Variants in THAP9 observed in about 807,000 individuals in gnomAD.
THAP9 encodes the protein THAP domain containing 9.
THAP9 carries 20 observed loss-of-function variants against 35.7 expected under a neutral mutation model. The observed-to-expected ratio is 0.56, with a 90% CI of 0.39 to 0.81. The LOEUF is 0.81. Among genes scored for constraint, THAP9 ranks in the 40% least tolerant of loss-of-function variants. THAP9 has a pLI of 0.00. For synonymous variants in THAP9, 335 were observed against 373.7 expected (o/e 0.90, Z 1.19); for missense variants, 870 against 1,047.4 (o/e 0.83, Z 2.34).
chr4:82,906,733 G>C, intron 3 of THAP9, 106 bp downstream of exon 3: 3 of 1,121,158 alleles, frequency 2.7e-6, no homozygotes, highest in Non-Finnish European at 3.7e-6. Flanking sequence ...TTTCAGTTGG[G>C]AAGTGAAAGT....
At chr4:82,909,338 C>T (rs1720780505) in intron 4 of THAP9, among the ~76,000 whole-genome samples, 1 of 151,842 alleles carries the variant, frequency 6.6e-6, no homozygotes, top group South Asian at 2.1e-4. Flanking sequence ...GGCTGCTCTT[C>T]TAAAAAAATT....
At chr4:82,912,479 C>T (rs1216831913) in intron 4 of THAP9, among the ~76,000 whole-genome samples, 1 of 152,112 alleles carries the variant, frequency 6.6e-6, no homozygotes, top group African/African-American at 2.4e-5. Flanking sequence ...GAATTTTAGG[C>T]CACCCAAGTG....
intron 4 of THAP9, among the ~76,000 whole-genome samples, chr4:82,915,645 A>G (rs904112516): frequency 2.6e-5 from 4 of 152,026 alleles, no homozygotes; most frequent in African/African-American, 4.8e-5. Flanking sequence ...ATTTATATTT[A>G]TTTAAACTAT....
chr4:82,913,121 T>G (rs1720921840), intron 4 of THAP9: 1 of 152,166 alleles, frequency 6.6e-6, no homozygotes, highest in Non-Finnish European at 1.5e-5. Context: ...GAAAAGAGAT[T>G]TAAAGGAGAA....
intron 4 of THAP9, among the ~76,000 whole-genome samples, chr4:82,913,760 C>T (rs1417532710): frequency 6.0e-5 from 9 of 150,970 alleles, no homozygotes; most frequent in African/African-American, 9.8e-5. Flanking sequence ...GACAGAGTTT[C>T]GCTCTGTTGC....
rs778782833 is a variant in THAP9 at position 82,900,876 on chromosome 4, T to C, written c.74T>C (p.Phe25Ser). 3 of 1,613,344 alleles carry C rather than the reference T, an allele frequency of 1.9e-6. No homozygotes were observed. The South Asian group carries it at 3.3e-5, about 18-fold the overall frequency. Residue 25 changes from phenylalanine (F) to serine (S), a missense_variant, in exon 1 of 5, where the codon TTC becomes TCC. Phe to Ser is a radical substitution (Grantham distance 155, BLOSUM62 -2). This residue lies in a region of THAP9 where 440 missense variants were observed against 501.2 expected (regional missense o/e 0.88). Transcript: ENST00000302236. ...CTCAGCCGGGAGCGCGGCCTCTCCT[T>C]CCACCAGTGCGTATGGGAGCAGCCT... The part of the protein sequence containing the change: ...TVLSRERGLS[F>S]HQFPTDTIQR...
chr4:82,918,993 A>G lies in THAP9; in HGVS notation c.*69A>G. The G allele has an allele frequency of 1.5e-6, 2 of 1,316,584 alleles. No homozygotes were observed. The highest frequency in any genetic ancestry group is 2.1e-6 in the Non-Finnish European group (2 of 963,232). The allele number at this position is 1,316,584 out of a possible 1,614,324, so 81.6% of individuals were successfully genotyped here. Reference sequence around the variant, plus strand: ...AACATTTTTTGAAGTTCAATTTACCATATTTTATAAATTGCGCATTCTGCA... The same window carrying G: ...AACATTTTTTGAAGTTCAATTTACCGTATTTTATAAATTGCGCATTCTGCA... On this transcript the variant is annotated 3_prime_UTR_variant, in exon 5 of 5. Coordinates refer to ENST00000302236, the MANE Select transcript of THAP9 (RefSeq NM_024672.6).
At chr4:82,915,835 AT>A (rs1451609146) in intron 4 of THAP9, among the ~76,000 whole-genome samples, 2 of 151,838 alleles carry the variant, frequency 1.3e-5, no homozygotes, top group Non-Finnish European at 2.9e-5. Context: ...TTTTCTCTCC[AT>A]GCATTTGGTT....
chr4:82,903,150 C>G (rs1165974467), intron 1 of THAP9, among the ~76,000 whole-genome samples: 1 of 152,214 alleles, frequency 6.6e-6, no homozygotes, highest in Non-Finnish European at 1.5e-5. Flanking sequence ...ATAAGTCTGT[C>G]TCTAAGATAA....
chr4:82,909,267 A>G (rs1720778159), intron 4 of THAP9, among the ~76,000 whole-genome samples: 1 of 152,318 alleles, frequency 6.6e-6, no homozygotes, highest in East Asian at 1.9e-4. Flanking sequence ...AATACTACCA[A>G]TAAAAGATTT....
chr4:82,911,392 C>A (rs1204248677), intron 4 of THAP9, among the ~76,000 whole-genome samples: 1 of 151,688 alleles, frequency 6.6e-6, no homozygotes, highest in Non-Finnish European at 1.5e-5. Flanking sequence ...GAGATTGAGA[C>A]CACCCTGGCT....
intron 1 of THAP9, among the ~76,000 whole-genome samples, chr4:82,902,199 C>T (rs1233131763): frequency 7.1e-6 from 1 of 141,256 alleles, no homozygotes; most frequent in Non-Finnish European, 1.5e-5. Flanking sequence ...GCCTCTATCT[C>T]CCAGGCTCAA....
chr4:82,918,081 A>G lies in THAP9; in HGVS notation c.1869A>G (p.Leu623=), dbSNP rs766777432. The change falls in exon 5 of 5, where the codon TTA becomes TTG. Residue 623 remains leucine, a synonymous_variant. Coordinates refer to ENST00000302236, the MANE Select transcript of THAP9 (RefSeq NM_024672.6). The part of the protein sequence containing the change: ...ELFLKMLRQV[L]VTSSSPTCMA... ...TTCTAAAGATGCTTAGGCAGGTATT[A>G]GTAACAAGTTCTAGCCCTACCTGCA... is the stretch of plus-strand genomic sequence containing the variant. 1.2e-6 allele frequency: 2 copies of G among 1,614,006 alleles called. No homozygotes were observed. The highest frequency in any genetic ancestry group is 1.1e-5 in the South Asian group (1 of 91,086).
chr4:82,903,087 G>C (rs1720492832), intron 1 of THAP9, among the ~76,000 whole-genome samples: 1 of 152,178 alleles, frequency 6.6e-6, no homozygotes, highest in Non-Finnish European at 1.5e-5. Flanking sequence ...CTCAGTTCTA[G>C]TAACTATGTG....
At chr4:82,906,278 A>G (rs1720641889) in intron 2 of THAP9, 46 bp from the exon 3 acceptor site, 1 of 1,437,460 alleles carries the variant, frequency 7.0e-7, no homozygotes, top group Non-Finnish European at 9.4e-7. Flanking sequence ...ATACTCTTCT[A>G]TGTGATTATT....
rs369223139 is a variant in THAP9, at chr4:82,917,284, A to G, written c.1072A>G (p.Ile358Val). Residue 358 changes from isoleucine to valine, a missense_variant, in exon 5 of 5, where the codon ATT becomes GTT. Ile to Val is a conservative substitution (Grantham distance 29). Coordinates refer to ENST00000302236, the MANE Select transcript of THAP9 (RefSeq NM_024672.6). ...GCAGGCTCAGCTGCTTCGTCTGACT[A>G]TTGGTAAACTGAGTGACATAGGAAT... ...YLQAQLLRLTIGKLSDIGITV... is the reference protein window; with the variant it reads ...YLQAQLLRLTVGKLSDIGITV... The G allele has an allele frequency of 3.5e-5, 56 of 1,613,952 alleles. No homozygotes were observed. Among genetic ancestry groups the G allele is most frequent in the Non-Finnish European group, 4.7e-5 (55 of 1,179,988 alleles).
chr4:82,905,031 C>T (rs1233425503), intron 2 of THAP9, 100 bp downstream of exon 2: 11 of 1,115,284 alleles, frequency 9.9e-6, no homozygotes, highest in Non-Finnish European at 1.3e-5. Context: ...ACAAAAAAAC[C>T]CAAGTCTTAA....
chr4:82,912,528 T>C (rs892294331), intron 4 of THAP9, among the ~76,000 whole-genome samples: 5 of 152,226 alleles, frequency 3.3e-5, no homozygotes, highest in African/African-American at 9.6e-5. Context: ...TATTGTATAT[T>C]GGTTTGTTAA....
intron 4 of THAP9, among the ~76,000 whole-genome samples, chr4:82,909,126 C>T (rs984480811): frequency 6.7e-6 from 1 of 149,418 alleles, no homozygotes; most frequent in Non-Finnish European, 1.5e-5. Flanking sequence ...AGGCTAATCT[C>T]GAACTCCTGA....
Sources: allele counts gnomAD v4.1 joint callset (sites outside exome capture counted in the v4.1 genomes callset), GRCh38; gene constraint gnomAD v4.1.1; regional missense constraint gnomAD v4.1.1; transcripts MANE v1.5; gene names NCBI Gene and HGNC (gene_info 2026-07-23, HGNC 2026-07-21).